The following CCDC6 variants were observed in gnomAD, a reference collection of about 807,000 sequenced individuals.
CCDC6 encodes the protein coiled-coil domain-containing protein 6.
In CCDC6, 20 loss-of-function variants were observed where a neutral mutation model predicts 56.6. The ratio of observed to expected loss-of-function variants is 0.35; its 90% CI spans 0.25 to 0.51. The LOEUF is 0.51. CCDC6 is among the 20% of genes least tolerant of loss of function. The pLI is 0.95. For missense variants in CCDC6, 367 were observed against 601.1 expected (o/e 0.61, Z 4.07); for synonymous variants, 241 against 234.4 (o/e 1.03, Z -0.26).
At chr10:59,876,813 C>T (rs1308147281) in intron 1 of CCDC6, among the ~76,000 whole-genome samples, 1 of 152,082 alleles carries the variant, frequency 6.6e-6, no homozygotes, top group African/African-American at 2.4e-5. Flanking sequence ...TATTTCATTA[C>T]ATTGAGATTT....
chr10:59,854,381 A>C (rs1048100050), intron 1 of CCDC6, among the ~76,000 whole-genome samples: 1 of 152,180 alleles, frequency 6.6e-6, no homozygotes, highest in East Asian at 1.9e-4. Flanking sequence ...AGAGCCACAC[A>C]TAGTACACAG....
At chr10:59,843,296 C>T (rs146765779) in intron 2 of CCDC6, among the ~76,000 whole-genome samples, 12 of 152,318 alleles carry the variant, frequency 7.9e-5, no homozygotes, top group South Asian at 4.1e-4. Flanking sequence ...AATTTCTTTA[C>T]GGGACAGAAG....
chr10:59,841,283 C>A (rs1226035711), intron 2 of CCDC6, among the ~76,000 whole-genome samples: 1 of 152,218 alleles, frequency 6.6e-6, no homozygotes, highest in Non-Finnish European at 1.5e-5. Flanking sequence ...TGGCTAGCTT[C>A]TTCTCCCAGA....
At chr10:59,837,339 G>A (rs2070891425) in intron 2 of CCDC6, among the ~76,000 whole-genome samples, 1 of 152,194 alleles carries the variant, frequency 6.6e-6, no homozygotes, top group South Asian at 2.1e-4. Context: ...TGGATCCTAG[G>A]TTTTGTAAAA....
chr10:59,889,359 T>C (rs1057322838), intron 1 of CCDC6, among the ~76,000 whole-genome samples: 1 of 152,244 alleles, frequency 6.6e-6, no homozygotes, highest in African/African-American at 2.4e-5. Flanking sequence ...CTGGGCTGCA[T>C]GGGATGCTAC....
intron 3 of CCDC6, among the ~76,000 whole-genome samples, chr10:59,825,306 C>CA (rs2070779179): frequency 6.6e-6 from 1 of 152,200 alleles, no homozygotes; most frequent in Non-Finnish European, 1.5e-5. Context: ...ATGGCTTTAT[C>CA]AGGGGTTTCT....
intron 7 of CCDC6, among the ~76,000 whole-genome samples, chr10:59,796,763 C>T (rs537830918): frequency 1.3e-5 from 2 of 151,968 alleles, no homozygotes; most frequent in Non-Finnish European, 2.9e-5. Flanking sequence ...GTCAGGAGAT[C>T]GAGACCATCT....
At chr10:59,860,643 T>C (rs961811068) in intron 1 of CCDC6, among the ~76,000 whole-genome samples, 1 of 152,070 alleles carries the variant, frequency 6.6e-6, no homozygotes, top group Non-Finnish European at 1.5e-5. Context: ...TAAAAACCTG[T>C]GGTAGAATGA....
intron 3 of CCDC6, among the ~76,000 whole-genome samples, chr10:59,824,246 C>A (rs191285428): frequency 3.7e-4 from 57 of 152,214 alleles, no homozygotes; most frequent in Middle Eastern, 3.4e-3. Flanking sequence ...TGACACAGCT[C>A]AGAGTCTATT....
At position 59,794,722 on chromosome 10, in the gene CCDC6, T is replaced by A. The variant is rs528155862; in HGVS notation, c.1106-125A>T. ...CAAAAATACAAACAGATGAAAAGAA[T>A]GATGGGCTCACTAAATGGTGTGGAT... is the stretch of plus-strand genomic sequence containing the variant. On this transcript the variant is annotated intron_variant, in intron 7 of 8. Transcript: ENST00000263102. The A allele has an allele frequency of 3.7e-5, 27 of 727,510 alleles. No homozygotes were observed. The East Asian group carries it at 7.1e-4, about 19-fold the overall frequency. 45.1% of individuals were successfully genotyped at this position (727,510 alleles called of 1,614,324 possible).
intron 1 of CCDC6, among the ~76,000 whole-genome samples, chr10:59,876,091 T>TTTTC (rs1564754331): frequency 2.1e-5 from 3 of 146,196 alleles, no homozygotes; most frequent in African/African-American, 7.7e-5. Flanking sequence ...TTTTTTTTTT[T>TTTTC]CAGATCGAGT....
intron 1 of CCDC6, among the ~76,000 whole-genome samples, chr10:59,896,063 G>A (rs904861391): frequency 1.3e-5 from 2 of 152,220 alleles, no homozygotes; most frequent in African/African-American, 4.8e-5. Flanking sequence ...AGGATAACTA[G>A]AAGCTCCACA....
chr10:59,863,137 C>A (rs1489822570), intron 1 of CCDC6, among the ~76,000 whole-genome samples: 1 of 151,788 alleles, frequency 6.6e-6, no homozygotes, highest in Non-Finnish European at 1.5e-5. Context: ...ACTAAAAAAA[C>A]AGAAGAAATG....
At chr10:59,804,595 G>A (rs1160354408) in intron 6 of CCDC6, 75 bp from the exon 7 acceptor site, 4 of 845,650 alleles carry the variant, frequency 4.7e-6, no homozygotes, top group Non-Finnish European at 8.2e-6. Context: ...AAGAGAAAAT[G>A]TTTGGGGTTC....
chr10:59,816,731 T>C (rs1164906313), intron 3 of CCDC6, among the ~76,000 whole-genome samples: 1 of 152,216 alleles, frequency 6.6e-6, no homozygotes, highest in Non-Finnish European at 1.5e-5. Flanking sequence ...CCGTTCTATT[T>C]CTGTTCCAGC....
chr10:59,869,420 C>CA (rs2071207982), intron 1 of CCDC6, among the ~76,000 whole-genome samples: 4 of 35,552 alleles, frequency 1.1e-4, no homozygotes, highest in African/African-American at 1.1e-4. Flanking sequence ...AAAAAAAAAA[C>CA]AGAAAAAAGA....
chr10:59,837,947 A>G (rs2070899408), intron 2 of CCDC6, among the ~76,000 whole-genome samples: 1 of 152,078 alleles, frequency 6.6e-6, no homozygotes, highest in Admixed American at 6.5e-5. Context: ...AAGCCATTAG[A>G]CTGTCAAAAG....
In CCDC6 at chr10:59,789,886, T is replaced by G. The variant is rs1190469854; in HGVS notation, c.*3031A>C. The stretch of plus-strand genomic sequence containing the variant: ...ATTAACAAAAATTCACATTATCAAT[T>G]ATTTCTGGTTGAATTCTGTTAGAAG... On this transcript the variant is annotated 3_prime_UTR_variant, in exon 9 of 9. Coordinates refer to ENST00000263102, the MANE Select transcript of CCDC6 (RefSeq NM_005436.5). 1 of 150,304 alleles carries G rather than the reference T, an allele frequency of 6.7e-6. No individual in the cohort carries two copies. Among genetic ancestry groups the G allele is most frequent in the Non-Finnish European group, 1.2e-5 (1 of 80,298 alleles). The allele number at this position is 150,304 out of a possible 1,614,324, so 9.3% of individuals were successfully genotyped here.
chr10:59,814,557 T>TAAGGTGCCTAC (rs1357396767), intron 4 of CCDC6, 95 bp downstream of exon 4: 1 of 736,994 alleles, frequency 1.4e-6, no homozygotes, highest in East Asian at 2.5e-5. Flanking sequence ...ACCAAAGAAT[T>TAAGGTGCCTAC]AAGGTGTCCT....
Sources: gnomAD v4.1 joint callset for allele counts (sites outside exome capture counted in the v4.1 genomes callset) on GRCh38, gnomAD v4.1.1 for gene constraint, MANE v1.5 for transcripts, NCBI Gene and HGNC (gene_info 2026-07-23, HGNC 2026-07-21) for gene names.